The following MITF variants were observed in gnomAD, a reference collection of about 807,000 sequenced individuals.
MITF encodes the protein melanocyte inducing transcription factor.
MITF carries 17 observed loss-of-function variants against 60.5 expected under a neutral mutation model. The observed-to-expected ratio is 0.28, with a 90% CI of 0.19 to 0.42. The LOEUF is 0.42. Ranked by LOEUF, MITF falls within the 10% of genes least tolerant of loss-of-function variation. The pLI is 1.00. For synonymous variants in MITF, 260 were observed against 248.5 expected, an observed-to-expected ratio of 1.05 and a Z score of -0.43; for missense variants, 622 against 683.5, an observed-to-expected ratio of 0.91 and a Z score of 1.00.
chr3:69,861,519 A>G (rs1220426330), intron 1 of MITF, among the ~76,000 whole-genome samples: 1 of 152,190 alleles, frequency 6.6e-6, no homozygotes, highest in Non-Finnish European at 1.5e-5. Context: ...AGACCTGCAA[A>G]ACATCATCTG....
intron 1 of MITF, chr3:69,764,014 T>A (rs547141603): frequency 8.6e-7 from 1 of 1,156,546 alleles, no homozygotes; most frequent in Non-Finnish European, 1.1e-6. Context: ...GGGATGTCAA[T>A]CTTTATATCG....
intron 1 of MITF, among the ~76,000 whole-genome samples, chr3:69,755,870 C>T (rs78792427): frequency 0.024 from 3,580 of 152,262 alleles, 52 homozygotes; most frequent in Middle Eastern, 0.044. Flanking sequence ...TACTGCTGCT[C>T]CTCCTCCTGT....
At chr3:69,887,800 A>G (rs1036580536) in intron 2 of MITF, among the ~76,000 whole-genome samples, 45 of 152,010 alleles carry the variant, frequency 3.0e-4, no homozygotes, top group African/African-American at 1.0e-3. Flanking sequence ...AGGCTTTATC[A>G]TTATTATTAT....
In MITF at chr3:69,774,941, C is replaced by T. The variant is rs149676550; in HGVS notation, c.104+35240C>T. Reference sequence around the variant, plus strand: ...AGGAACCAAGAGCCCTTGACTTTCACATTGCATTGCTTCCTTTCAGTTATT... The same window carrying T: ...AGGAACCAAGAGCCCTTGACTTTCATATTGCATTGCTTCCTTTCAGTTATT... On this transcript the variant is annotated intron_variant, in intron 1 of 9. Coordinates refer to ENST00000352241, the MANE Select transcript of MITF (RefSeq NM_001354604.2). 4.6e-3 allele frequency among the ~76,000 whole-genome samples: 704 copies of T among 152,312 alleles called. 5 individuals carry two copies. Among genetic ancestry groups the T allele is most frequent in the African/African-American group, 0.016 (664 of 41,568 alleles).
At chr3:69,873,784 A>T (rs982591993) in intron 1 of MITF, among the ~76,000 whole-genome samples, 1 of 152,212 alleles carries the variant, frequency 6.6e-6, no homozygotes, top group African/African-American at 2.4e-5. Context: ...TATGCAGACA[A>T]GTGATCCTGG....
At chr3:69,767,489 G>A (rs953027655) in intron 1 of MITF, among the ~76,000 whole-genome samples, 5 of 152,090 alleles carry the variant, frequency 3.3e-5, no homozygotes, top group Non-Finnish European at 4.4e-5. Flanking sequence ...GGAGGCTGAG[G>A]CAGGAGAGTT....
intron 4 of MITF, among the ~76,000 whole-genome samples, chr3:69,940,762 A>T (rs1294806021): frequency 1.3e-5 from 2 of 152,244 alleles, no homozygotes; most frequent in South Asian, 4.1e-4. Context: ...GACAGCTGTC[A>T]TTCAAGATGA....
chr3:69,739,637 G>T lies in MITF; in HGVS notation c.40G>T (p.Gly14Trp). 3 of 1,584,034 alleles carry T rather than the reference G, an allele frequency of 1.9e-6. No homozygotes were observed. Among genetic ancestry groups the T allele is most frequent in the East Asian group, 2.3e-5 (1 of 44,004 alleles). ...ESGIVPDFEV[G>W]EEFHEEPKTY... is the part of the protein sequence containing the mutation. ...GGGGATCGTGCCGGATTTCGAAGTCGGGGAGGAGTTTCATGAAGAGCCCAA... is the reference window on the plus strand; with the variant it reads ...GGGGATCGTGCCGGATTTCGAAGTCTGGGAGGAGTTTCATGAAGAGCCCAA... The change falls in exon 1 of 10, where the codon GGG (glycine) becomes TGG (tryptophan). Residue 14 changes from glycine to tryptophan, a missense_variant. Gly to Trp is a radical substitution (Grantham distance 184). Around this residue, in one of 5 missense-constraint regions of MITF, gnomAD observed 149 missense variants for 157.8 expected, o/e 0.94. Coordinates refer to ENST00000352241, the MANE Select transcript of MITF (RefSeq NM_001354604.2).
At chr3:69,954,163 G>A (rs937195859) in intron 7 of MITF, among the ~76,000 whole-genome samples, 1 of 152,136 alleles carries the variant, frequency 6.6e-6, no homozygotes, top group Non-Finnish European at 1.5e-5. Flanking sequence ...GACAGTGAAA[G>A]GTGTCAGCTA....
At chr3:69,867,454 A>G (rs1002257998) in intron 1 of MITF, among the ~76,000 whole-genome samples, 1 of 152,130 alleles carries the variant, frequency 6.6e-6, no homozygotes, top group Non-Finnish European at 1.5e-5. Flanking sequence ...TTGAGCTTCT[A>G]TTTCTGCTGC....
intron 1 of MITF, among the ~76,000 whole-genome samples, chr3:69,800,715 A>G (rs1374666512): frequency 1.3e-5 from 2 of 152,170 alleles, no homozygotes; most frequent in Non-Finnish European, 2.9e-5. Flanking sequence ...CGTGGCCTTA[A>G]TTAGTTCCTC....
chr3:69,806,124 G>A (rs190216164), intron 1 of MITF, among the ~76,000 whole-genome samples: 31 of 147,894 alleles, frequency 2.1e-4, no homozygotes, highest in South Asian at 6.5e-4. Context: ...TCACTCTGTC[G>A]CCCAGGCTGG....
At chr3:69,936,494 G>A in intron 2 of MITF, 1 of 938,260 alleles carries the variant, frequency 1.1e-6, no homozygotes, top group Non-Finnish European at 1.5e-6. Flanking sequence ...AAACTCGTAG[G>A]GCTTCCAAAA....
chr3:69,848,197 G>A (rs549393808), intron 1 of MITF, among the ~76,000 whole-genome samples: 1 of 152,308 alleles, frequency 6.6e-6, no homozygotes, highest in Admixed American at 6.5e-5. Context: ...TCATTTGTGT[G>A]CTTTTCAAGT....
At chr3:69,928,741 A>G (rs1418733254) in intron 2 of MITF, among the ~76,000 whole-genome samples, 1 of 152,220 alleles carries the variant, frequency 6.6e-6, no homozygotes, top group Non-Finnish European at 1.5e-5. Flanking sequence ...TGACAAATTC[A>G]TAGAACACTA....
Position 69,888,511 on chromosome 3 carries a change from A to T in MITF, c.354+9128A>T, listed in dbSNP as rs567427310. Among the ~76,000 whole-genome samples, 11 of 151,260 alleles carry T rather than the reference A, an allele frequency of 7.3e-5. No individual in the cohort carries two copies. The South Asian group carries it at 2.3e-3, about 32-fold the overall frequency. The stretch of plus-strand genomic sequence containing the variant: ...CCACATGTTCTTTTTACCTCCTGGG[A>T]AATAAGTACGGGATAAAATTGGGGA... On this transcript the variant is annotated intron_variant, in intron 2 of 9. Coordinates refer to ENST00000352241, the MANE Select transcript of MITF (RefSeq NM_001354604.2).
intron 1 of MITF, among the ~76,000 whole-genome samples, chr3:69,823,596 A>G (rs1431493875): frequency 6.6e-6 from 1 of 152,208 alleles, no homozygotes; most frequent in Non-Finnish European, 1.5e-5. Context: ...GCTTCAACAT[A>G]TGAAGACAAC....
rs535821864 is a variant in MITF at position 69,855,962 on chromosome 3, C to T, written c.105-23172C>T. Among the ~76,000 whole-genome samples, 8 of 152,290 alleles carry T rather than the reference C, an allele frequency of 5.3e-5. No homozygotes were observed. The South Asian group carries it at 1.7e-3, about 32-fold the overall frequency. On this transcript the variant is annotated intron_variant, in intron 1 of 9. Coordinates refer to ENST00000352241, the MANE Select transcript of MITF (RefSeq NM_001354604.2). ...TTCCATGGTGATATTCTCAGTCCTACTTGGCCAGCTTCCCACTTTTTCTGT... is the reference window on the plus strand; with the variant it reads ...TTCCATGGTGATATTCTCAGTCCTATTTGGCCAGCTTCCCACTTTTTCTGT...
intron 2 of MITF, among the ~76,000 whole-genome samples, chr3:69,892,123 AG>A (rs2064773566): frequency 1.3e-5 from 2 of 152,316 alleles, no homozygotes; most frequent in Admixed American, 1.3e-4. Context: ...GCTATGATAA[AG>A]TACAAATTGA....
Sources: allele counts gnomAD v4.1 joint callset (sites outside exome capture counted in the v4.1 genomes callset), GRCh38; gene constraint gnomAD v4.1.1; regional missense constraint gnomAD v4.1.1; transcripts MANE v1.5; gene names NCBI Gene and HGNC (gene_info 2026-07-23, HGNC 2026-07-21).